The following MATCAP1 variants were observed in gnomAD, a reference collection of about 807,000 sequenced individuals.
MATCAP1 encodes microtubule-associated tyrosine carboxypeptidase 1.
the MATCAP1 span, chr16:67,179,114 G>A: frequency 6.3e-5 from 75 of 1,194,266 alleles, no homozygotes; most frequent in Non-Finnish European, 7.5e-5. This position sits in a 1 kb window ranked among gnomAD's most constrained non-coding sequence, Gnocchi z 5.2. Flanking sequence ...GGACCCTGAG[G>A]GTTCTTTCTC....
At chr16:67,182,102 AGCT>A in the MATCAP1 span, among the ~76,000 whole-genome samples, 1 of 152,162 alleles carries the variant, frequency 6.6e-6, no homozygotes, top group African/African-American at 2.4e-5. Flanking sequence ...ATACAAAATT[AGCT>A]GGGCGTGGTG....
the MATCAP1 span, chr16:67,179,201 C>A: frequency 1.5e-6 from 2 of 1,361,368 alleles, no homozygotes; most frequent in Non-Finnish European, 1.9e-6. The surrounding 1 kb of genome is among the most constrained non-coding windows in gnomAD (Gnocchi z 5.2). Context: ...GAAAAATATA[C>A]CCGAAAGGAC....
the MATCAP1 span, chr16:67,181,620 C>T: frequency 6.6e-6 from 1 of 152,300 alleles, no homozygotes; most frequent in Non-Finnish European, 1.5e-5. Context: ...AGCATTTCTC[C>T]TCTCTCCTAC....
chr16:67,180,009 G>A, the MATCAP1 span: 1 of 1,612,940 alleles, frequency 6.2e-7, no homozygotes, highest in Non-Finnish European at 8.5e-7. Context: ...TGGGTGGTCA[G>A]GGCCAGGATA....
chr16:67,178,014 C>T, the MATCAP1 span: 1 of 1,613,936 alleles, frequency 6.2e-7, no homozygotes, highest in Non-Finnish European at 8.5e-7. Flanking sequence ...CCTCACCTTG[C>T]CCAGTGAGGT....
the MATCAP1 span, chr16:67,179,902 C>T: frequency 3.7e-6 from 6 of 1,614,102 alleles, no homozygotes; most frequent in Non-Finnish European, 5.1e-6. This position sits in a 1 kb window ranked among gnomAD's most constrained non-coding sequence, Gnocchi z 5.2. Flanking sequence ...CAGTGGCAGC[C>T]TCAAAGTGTT....
the MATCAP1 span, chr16:67,179,262 T>A: frequency 1.4e-6 from 2 of 1,463,042 alleles, no homozygotes; most frequent in Non-Finnish European, 1.8e-6. The surrounding 1 kb of genome is among the most constrained non-coding windows in gnomAD (Gnocchi z 5.2). Flanking sequence ...CTGGCCTACC[T>A]CTGTAAGCAG....
At chr16:67,180,503 T>C in the MATCAP1 span, 1 of 1,582,228 alleles carries the variant, frequency 6.3e-7, no homozygotes, top group South Asian at 1.1e-5. Context: ...GGTACAGTGG[T>C]GGCCCATCTC....
the MATCAP1 span, chr16:67,179,501 C>T: frequency 8.7e-6 from 14 of 1,613,014 alleles, no homozygotes; most frequent in Middle Eastern, 1.8e-4. This position sits in a 1 kb window ranked among gnomAD's most constrained non-coding sequence, Gnocchi z 5.2. Context: ...CAATGTGGGC[C>T]GGCTGTTCTC....
the MATCAP1 span, chr16:67,178,543 G>C: frequency 6.7e-7 from 1 of 1,494,458 alleles, no homozygotes; most frequent in East Asian, 2.5e-5. Context: ...TGGGCGGGGC[G>C]TTCGGGGACC....
chr16:67,183,056 T>C, the MATCAP1 span, among the ~76,000 whole-genome samples: 8 of 151,988 alleles, frequency 5.3e-5, no homozygotes, highest in African/African-American at 1.9e-4. Context: ...AATTATTCCT[T>C]CCCTGCACTT....
At chr16:67,182,433 G>A in the MATCAP1 span, among the ~76,000 whole-genome samples, 3 of 152,146 alleles carry the variant, frequency 2.0e-5, no homozygotes, top group African/African-American at 7.2e-5. Flanking sequence ...TCACTCCCTA[G>A]ATGTTCTCAT....
the MATCAP1 span, chr16:67,180,452 G>A: frequency 1.6e-5 from 26 of 1,608,588 alleles, no homozygotes; most frequent in East Asian, 5.6e-4. Context: ...GCGCTGGGGG[G>A]ACTGCCAGAG....
chr16:67,177,228 C>A, the MATCAP1 span, among the ~76,000 whole-genome samples: 1 of 152,164 alleles, frequency 6.6e-6, no homozygotes, highest in Non-Finnish European at 1.5e-5. Context: ...CTCAGACCCT[C>A]ACCTCCAAAC....
At chr16:67,179,596 A>G in the MATCAP1 span, 3 of 1,588,700 alleles carry the variant, frequency 1.9e-6, no homozygotes, top group Non-Finnish European at 2.6e-6. The surrounding 1 kb of genome is among the most constrained non-coding windows in gnomAD (Gnocchi z 5.2). Context: ...CATGGCCACC[A>G]GCCTGGGGCC....
At chr16:67,179,788 G>C in the MATCAP1 span, 1 of 1,612,678 alleles carries the variant, frequency 6.2e-7, no homozygotes, top group Non-Finnish European at 8.5e-7. The surrounding 1 kb of genome is among the most constrained non-coding windows in gnomAD (Gnocchi z 5.2). Context: ...GGGGCATGTA[G>C]AGGAAGGGCT....
At chr16:67,180,222 C>A in the MATCAP1 span, 3 of 1,614,154 alleles carry the variant, frequency 1.9e-6, no homozygotes, top group Non-Finnish European at 2.5e-6. Context: ...GGCAATATGG[C>A]CTGCATCCCT....
the MATCAP1 span, chr16:67,178,412 T>C: frequency 9.7e-6 from 15 of 1,543,286 alleles, no homozygotes; most frequent in Non-Finnish European, 1.2e-5. Context: ...CCCTCCTCCG[T>C]GGGGTTCGCC....
At chr16:67,180,592 C>G in the MATCAP1 span, 2 of 1,520,268 alleles carry the variant, frequency 1.3e-6, no homozygotes, top group Non-Finnish European at 1.8e-6. Flanking sequence ...TACGCCTGAG[C>G]CCCTGAGTCC....
Sources: allele counts gnomAD v4.1 joint callset (sites outside exome capture counted in the v4.1 genomes callset), GRCh38; gene constraint gnomAD v4.1.1; non-coding constraint Gnocchi (gnomAD v3.1); transcripts MANE v1.5; gene names NCBI Gene and HGNC (gene_info 2026-07-23, HGNC 2026-07-21).